Variants in YEATS2 observed in about 807,000 individuals in gnomAD.
YEATS2 encodes YEATS domain containing 2, also known as YEATS domain-containing protein 2.
In YEATS2, 77 loss-of-function variants were observed where a neutral mutation model predicts 163.2. The ratio of observed to expected loss-of-function variants is 0.47; its 90% CI spans 0.39 to 0.57. YEATS2 has a LOEUF of 0.57. Ranked by LOEUF, YEATS2 falls within the 20% of genes least tolerant of loss-of-function variation. YEATS2 has a pLI of 0.00. For synonymous variants in YEATS2, 631 were observed against 645.1 expected, an observed-to-expected ratio of 0.98 and a Z score of 0.33; for missense variants, 1,549 against 1,729.8, an observed-to-expected ratio of 0.90 and a Z score of 1.85.
intron 10 of YEATS2, 31 bp downstream of exon 10, chr3:183,752,284 G>T: frequency 6.2e-7 from 1 of 1,612,386 alleles, no homozygotes; most frequent in Non-Finnish European, 8.5e-7. Context: ...GCATAGCGTT[G>T]TTCTGAGGCA....
chr3:183,763,093 A>G (rs1721544864), intron 15 of YEATS2, among the ~76,000 whole-genome samples: 1 of 151,944 alleles, frequency 6.6e-6, no homozygotes, highest in East Asian at 1.9e-4. Flanking sequence ...AATAGCACAT[A>G]GAGCCATGTT....
At chr3:183,728,091 G>T (rs934454941) in intron 6 of YEATS2, among the ~76,000 whole-genome samples, 2 of 151,818 alleles carry the variant, frequency 1.3e-5, no homozygotes, top group African/African-American at 4.8e-5. Context: ...TTGAGGTAGG[G>T]TCTTGCTTTG....
chr3:183,741,083 C>A (rs1718906851), intron 8 of YEATS2, among the ~76,000 whole-genome samples: 1 of 151,956 alleles, frequency 6.6e-6, no homozygotes, highest in Admixed American at 6.6e-5. Context: ...GGATTACAGA[C>A]CCCTGCCACC....
At chr3:183,793,191 C>T (rs1003283812) in intron 21 of YEATS2, 13 of 1,283,146 alleles carry the variant, frequency 1.0e-5, no homozygotes, top group Non-Finnish European at 1.2e-5. Flanking sequence ...CACACACACT[C>T]ACGCATGCAG....
chr3:183,706,200 T>C (rs1178851904), intron 1 of YEATS2, among the ~76,000 whole-genome samples: 1 of 151,886 alleles, frequency 6.6e-6, no homozygotes, highest in African/African-American at 2.4e-5. Flanking sequence ...TAAGCTAACC[T>C]AAGAAAAGAG....
chr3:183,713,661 A>G (rs1715503699), intron 1 of YEATS2, among the ~76,000 whole-genome samples: 1 of 152,234 alleles, frequency 6.6e-6, no homozygotes, highest in Non-Finnish European at 1.5e-5. Context: ...GGTCTGGATG[A>G]TATTTCTGAA....
At chr3:183,698,489 G>A (rs1442894962) in intron 1 of YEATS2, among the ~76,000 whole-genome samples, 1 of 152,226 alleles carries the variant, frequency 6.6e-6, no homozygotes, top group Non-Finnish European at 1.5e-5. Flanking sequence ...TGCGGGCAGT[G>A]CGGGGCGGAG....
intron 21 of YEATS2, 25 bp from the exon 22 acceptor site, chr3:183,797,898 G>A (rs778117572): frequency 4.3e-6 from 7 of 1,613,038 alleles, no homozygotes; most frequent in Non-Finnish European, 5.9e-6. Flanking sequence ...CCTTCAACTT[G>A]GCTTTATCTT....
intron 8 of YEATS2, among the ~76,000 whole-genome samples, chr3:183,737,560 T>C (rs924689285): frequency 5.3e-5 from 8 of 152,254 alleles, no homozygotes; most frequent in Non-Finnish European, 8.8e-5. Flanking sequence ...GCTAAGTTAC[T>C]GAAATCTTTT....
chr3:183,779,738 G>A (rs901848258), intron 19 of YEATS2, among the ~76,000 whole-genome samples: 13 of 151,488 alleles, frequency 8.6e-5, no homozygotes, highest in African/African-American at 1.9e-4. Flanking sequence ...TTGCTCTGTC[G>A]CCAGGCTGGA....
At position 183,812,470 on chromosome 3, in the gene YEATS2, T is replaced by C. The variant is rs935113382; in HGVS notation, c.*1887T>C. ...TCTGATCCAAATGAGAACAGATTGG[T>C]TATTGCAGGTATCACAGCCTAAAGA... On this transcript the variant is annotated 3_prime_UTR_variant, in exon 31 of 31. Coordinates refer to ENST00000305135, the MANE Select transcript of YEATS2 (RefSeq NM_018023.5). 6.6e-6 allele frequency: 1 copy of C among 152,666 alleles called. No homozygotes were observed. The highest frequency in any genetic ancestry group is 2.4e-5 in the African/African-American group (1 of 41,454). The allele number at this position is 152,666 out of a possible 1,614,324, so 9.5% of individuals were successfully genotyped here.
chr3:183,714,913 CTTT>C (rs999638925), intron 1 of YEATS2, among the ~76,000 whole-genome samples: 1 of 140,468 alleles, frequency 7.1e-6, no homozygotes. Flanking sequence ...ATTATGATTT[CTTT>C]TTTTTTTTTG....
intron 19 of YEATS2, among the ~76,000 whole-genome samples, chr3:183,782,569 G>A (rs1165023488): frequency 1.3e-5 from 2 of 151,722 alleles, no homozygotes; most frequent in South Asian, 2.1e-4. Flanking sequence ...GATTACAGGC[G>A]CCTGCCACCA....
At chr3:183,806,630 T>G in intron 27 of YEATS2, 1 of 538,316 alleles carries the variant, frequency 1.9e-6, no homozygotes, top group Non-Finnish European at 3.3e-6. Context: ...TCCTACTCTT[T>G]CATCTTAGAT....
rs527277725 is a variant in YEATS2, at chr3:183,736,632, C to T, written c.813-86C>T. On this transcript the variant is annotated intron_variant, in intron 7 of 30. Coordinates refer to ENST00000305135, the MANE Select transcript of YEATS2 (RefSeq NM_018023.5). The stretch of plus-strand genomic sequence containing the variant: ...ATGATTCTCAGAAGACAGTGAATTT[C>T]TGATTTATGCATTATCAGGAAACTT... 3.4e-6 allele frequency: 3 copies of T among 875,728 alleles called. No individual in the cohort carries two copies. The African/African-American group carries it at 5.2e-5, about 15-fold the overall frequency. 54.2% of individuals were successfully genotyped at this position (875,728 alleles called of 1,614,324 possible).
intron 15 of YEATS2, among the ~76,000 whole-genome samples, chr3:183,763,705 G>GT (rs1164846135): frequency 1.3e-5 from 2 of 152,146 alleles, no homozygotes; most frequent in Non-Finnish European, 2.9e-5. Flanking sequence ...TCTAACCTTG[G>GT]TATGCTTTCA....
In YEATS2 at chr3:183,801,434, AT is replaced by A. The variant is rs562879448; in HGVS notation, c.3429-12del. ...TACATGTATTTAATTTATTGCCTTA[AT>A]TTTTTTTTATCTCTCTCAGGATAGA... On this transcript the variant is annotated intron_variant, in intron 24 of 30. Coordinates refer to ENST00000305135, the MANE Select transcript of YEATS2 (RefSeq NM_018023.5). 1,439 of 1,560,098 alleles carry A rather than the reference AT, an allele frequency of 9.2e-4. 10 individuals are homozygous for A. The African/African-American group carries it at 0.013, about 14-fold the overall frequency.
Position 183,746,427 on chromosome 3 carries a change from GC to G in YEATS2, c.925-1243del, listed in dbSNP as rs1372772352. ...AGAACGCTAAAAATGTTTAATGATA[GC>G]CTTCATGTCTCCTGAAATCATTTCT... is the stretch of plus-strand genomic sequence containing the variant. On this transcript the variant is annotated intron_variant, in intron 8 of 30. Coordinates refer to ENST00000305135, the MANE Select transcript of YEATS2 (RefSeq NM_018023.5). Among the ~76,000 whole-genome samples, 54 of 152,252 alleles carry G rather than the reference GC, an allele frequency of 3.5e-4. 1 individual carries two copies. The highest frequency in any genetic ancestry group is 1.3e-3 in the African/African-American group (54 of 41,560).
chr3:183,785,051 C>A (rs1723929759), intron 19 of YEATS2, among the ~76,000 whole-genome samples: 1 of 151,266 alleles, frequency 6.6e-6, no homozygotes, highest in South Asian at 2.1e-4. Flanking sequence ...CCAGTCTGAG[C>A]AAAAGAGCAA....
Sources: allele counts gnomAD v4.1 joint callset (sites outside exome capture counted in the v4.1 genomes callset), GRCh38; gene constraint gnomAD v4.1.1; transcripts MANE v1.5; gene names NCBI Gene and HGNC (gene_info 2026-07-23, HGNC 2026-07-21).